Variants in MED23 observed in about 807,000 individuals in gnomAD.
MED23 encodes the protein mediator complex subunit 23.
In MED23, 105 loss-of-function variants were observed where a neutral mutation model predicts 163.9. That is an observed-to-expected ratio of 0.64 (90% CI 0.55 to 0.75). The LOEUF (loss-of-function observed/expected upper bound fraction) is 0.75. Among genes scored for constraint, MED23 ranks in the 30% least tolerant of loss-of-function variants. The pLI is 0.00. For synonymous variants in MED23, 561 were observed against 565.6 expected (o/e 0.99, Z 0.12); for missense variants, 1,054 against 1,649.0 (o/e 0.64, Z 6.25).
chr6:131,613,496 T>C (rs1338996105), intron 10 of MED23, among the ~76,000 whole-genome samples: 1 of 152,164 alleles, frequency 6.6e-6, no homozygotes, highest in Non-Finnish European at 1.5e-5. Context: ...AGGATGTAGT[T>C]CTGTAATGAT....
chr6:131,598,293 G>A lies in MED23; in HGVS notation c.2601C>T (p.Leu867=), dbSNP rs760288176. 1.9e-6 allele frequency: 3 copies of A among 1,612,546 alleles called. No individual in the cohort carries two copies. Among genetic ancestry groups the A allele is most frequent in the African/African-American group, 1.3e-5 (1 of 74,868 alleles). ...GAAATGTATTTATTCTTACCAGGCAGAGAATTAATCTGTCCAGTGTAACAA... is the reference window on the plus strand; with the variant it reads ...GAAATGTATTTATTCTTACCAGGCAAAGAATTAATCTGTCCAGTGTAACAA... ...YNIVTLDRLI[L]CLAMRSHEGN... Residue 867 remains leucine (L), a synonymous_variant, in exon 20 of 29, where the codon CTC becomes CTT. Coordinates refer to ENST00000368068, the MANE Select transcript of MED23 (RefSeq NM_004830.4). This position sits in a 1 kb window ranked among gnomAD's most constrained non-coding sequence, Gnocchi z 4.7.
chr6:131,574,186 A>G, exon 31 of MED23: 1 of 1,311,168 alleles, frequency 7.6e-7, no homozygotes, highest in Non-Finnish European at 1.1e-6. Context: ...CAAACAAGAC[A>G]ATGTATGAGT....
At chr6:131,615,172 CAAG>C in intron 10 of MED23, 1 of 637,904 alleles carries the variant, frequency 1.6e-6, no homozygotes, top group Non-Finnish European at 2.6e-6. Flanking sequence ...TCTCATATCC[CAAG>C]AAGAAATCGT....
rs762908619 is a variant in MED23 at position 131,596,148 on chromosome 6, A to G, written c.2794T>C (p.Leu932=). The G allele has an allele frequency of 5.6e-6, 9 of 1,613,908 alleles. No individual in the cohort carries two copies. The East Asian group carries it at 1.8e-4, about 32-fold the overall frequency. ...MNYHKKYPEK[L]YFEGLAEQVD... ...TGTTCCGCGAGGCCCTCAAAATACAACTTCTCTGGATATTTCTGTGGAATT... is the reference window on the plus strand; with the variant it reads ...TGTTCCGCGAGGCCCTCAAAATACAGCTTCTCTGGATATTTCTGTGGAATT... The change falls in exon 22 of 29, where the codon TTG becomes CTG. Residue 932 remains leucine (L), a synonymous_variant. Coordinates refer to ENST00000368068, the MANE Select transcript of MED23 (RefSeq NM_004830.4).
At chr6:131,624,534 C>T (rs906550384) in intron 4 of MED23, among the ~76,000 whole-genome samples, 1 of 152,188 alleles carries the variant, frequency 6.6e-6, no homozygotes, top group African/African-American at 2.4e-5. Context: ...GAGTCAACCA[C>T]TAAAACCATG....
downstream of MED23, chr6:131,582,548 G>A (rs1409808075): frequency 8.8e-7 from 1 of 1,130,244 alleles, no homozygotes; most frequent in African/African-American, 1.5e-5. Flanking sequence ...AATCCAATAT[G>A]TGTCTTTACC....
At chr6:131,604,097 T>G in intron 15 of MED23, 81 bp downstream of exon 15, 1 of 1,439,180 alleles carries the variant, frequency 6.9e-7, no homozygotes, top group Non-Finnish European at 9.8e-7. Flanking sequence ...TGTTCTCTGC[T>G]GTGTCCCCAG....
At chr6:131,586,612 C>A (rs530111610), downstream of MED23, 289 of 424,272 alleles carry the variant, frequency 6.8e-4, no homozygotes, top group Non-Finnish European at 9.9e-4. Context: ...ATCTGTAACT[C>A]TTAATTCCTA....
intron 28 of MED23, among the ~76,000 whole-genome samples, chr6:131,588,977 C>T (rs1403764569): frequency 6.6e-6 from 1 of 152,078 alleles, no homozygotes; most frequent in Non-Finnish European, 1.5e-5. Flanking sequence ...CTTTTTTCTT[C>T]AGGATAAGCA....
intron 11 of MED23, among the ~76,000 whole-genome samples, chr6:131,609,744 A>G (rs1040844724): frequency 2.8e-5 from 4 of 143,224 alleles, no homozygotes; most frequent in African/African-American, 1.1e-4. Flanking sequence ...ATATATATAT[A>G]TGTATATATA....
intron 3 of MED23, chr6:131,627,122 T>A (rs552103132): frequency 7.9e-6 from 3 of 379,674 alleles, no homozygotes; most frequent in Middle Eastern, 7.5e-4. Flanking sequence ...CCGAATAGGA[T>A]GAAAATGATC....
downstream of MED23, among the ~76,000 whole-genome samples, chr6:131,584,940 A>G (rs576357351): frequency 1.3e-5 from 2 of 149,858 alleles, no homozygotes; most frequent in South Asian, 2.2e-4. Context: ...CGGAAGTTGC[A>G]GTGAGCTTAG....
downstream of MED23, chr6:131,583,936 T>C (rs757327323): frequency 6.2e-7 from 1 of 1,607,294 alleles, no homozygotes; most frequent in Admixed American, 1.7e-5. Flanking sequence ...ATAAATCTCA[T>C]AGTTAATGGC....
At chr6:131,583,445 G>C, downstream of MED23, 1 of 1,614,102 alleles carries the variant, frequency 6.2e-7, no homozygotes, top group Non-Finnish European at 8.5e-7. Flanking sequence ...TGGGAGGTCT[G>C]ACATACAGAG....
intron 10 of MED23, among the ~76,000 whole-genome samples, chr6:131,612,292 AAAAAG>A (rs1168031996): frequency 2.6e-5 from 4 of 152,062 alleles, no homozygotes; most frequent in Admixed American, 6.6e-5. Context: ...TCAAAAAAAA[AAAAAG>A]AAAAGTCTGA....
Position 131,615,902 on chromosome 6 carries a change from A to G in MED23, c.876+5T>C. On this transcript the variant is annotated splice_donor_5th_base_variant and intron_variant, in intron 10 of 28. Transcript: ENST00000368068. ...ATTTACTAGGTTTCCAGCATAGTAC[A>G]GTACCTGCTTATTTAAACCTAGCAT... 1 of 1,605,100 alleles carries G rather than the reference A, an allele frequency of 6.2e-7. No individual in the cohort carries two copies.
chr6:131,574,202 C>T, exon 31 of MED23: 9 of 1,461,226 alleles, frequency 6.2e-6, no homozygotes, highest in Non-Finnish European at 8.6e-6. Context: ...TGAGTTGAAA[C>T]TACTAAGGTT....
chr6:131,590,333 A>G lies in MED23; in HGVS notation c.3796T>C (p.Cys1266Arg). The change falls in exon 27 of 29, where the codon TGT becomes CGT. Residue 1266 changes from cysteine (C) to arginine (R), a missense_variant. Cys to Arg is a radical substitution (Grantham distance 180). Coordinates refer to ENST00000368068, the MANE Select transcript of MED23 (RefSeq NM_004830.4). ...AGATTATATTTTACCTCTATCATAC[A>G]ACGAGTTCTCTCTTGCTGAAATCTT... ...LQRFQQERTR[C>R]MIEIGVAFYD... 1 of 1,612,492 alleles carries G rather than the reference A, an allele frequency of 6.2e-7. No individual in the cohort carries two copies. The highest frequency in any genetic ancestry group is 8.5e-7 in the Non-Finnish European group (1 of 1,178,804).
intron 11 of MED23, among the ~76,000 whole-genome samples, chr6:131,608,846 T>C (rs546067962): frequency 6.6e-6 from 1 of 152,362 alleles, no homozygotes; most frequent in South Asian, 2.1e-4. Context: ...TTTATTCCCA[T>C]TCAATATGTC....
Sources: gnomAD v4.1 joint callset for allele counts (sites outside exome capture counted in the v4.1 genomes callset) on GRCh38, gnomAD v4.1.1 for gene constraint, Gnocchi (gnomAD v3.1) non-coding constraint, MANE v1.5 for transcripts, NCBI Gene and HGNC (gene_info 2026-07-23, HGNC 2026-07-21) for gene names.